GABRB2: variants seen among roughly 807,000 people sequenced by gnomAD.
GABRB2 encodes the protein gamma-aminobutyric acid type A receptor subunit beta2.
In GABRB2, 16 loss-of-function variants were observed where a neutral mutation model predicts 54.7. That is an observed-to-expected ratio of 0.29 (90% CI 0.20 to 0.44). The LOEUF (loss-of-function observed/expected upper bound fraction) is 0.44. Ranked by LOEUF, GABRB2 falls within the 20% of genes least tolerant of loss-of-function variation. GABRB2 has a pLI of 1.00. For synonymous variants in GABRB2, 244 were observed against 233.8 expected, an observed-to-expected ratio of 1.04 and a Z score of -0.40; for missense variants, 355 against 644.0, an observed-to-expected ratio of 0.55 and a Z score of 4.86.
In GABRB2 at chr5:161,290,674, T is replaced by TCAC. The variant is rs1757213913; in HGVS notation, c.*3406_*3407insGTG. The stretch of plus-strand genomic sequence containing the variant: ...TACACATATATACATGTAGATATGT[T>TCAC]GTAAGACCTATTTTGATGATGTTGC... On this transcript the variant is annotated 3_prime_UTR_variant, in exon 10 of 10. Transcript: ENST00000393959. 2.0e-5 allele frequency: 3 copies of TCAC among 152,600 alleles called. No homozygotes were observed. The highest frequency in any genetic ancestry group is 7.2e-5 in the African/African-American group (3 of 41,466). The allele number at this position is 152,600 out of a possible 1,614,324, so 9.5% of individuals were successfully genotyped here.
intron 8 of GABRB2, 137 bp downstream of exon 8, chr5:161,330,746 T>C (rs1753814071): frequency 8.2e-7 from 1 of 1,221,740 alleles, no homozygotes; most frequent in Non-Finnish European, 1.1e-6. Context: ...CATTAATTGT[T>C]TGTGTGCTTT....
intron 5 of GABRB2, among the ~76,000 whole-genome samples, chr5:161,370,808 C>A (rs1374750894): frequency 1.3e-5 from 2 of 152,108 alleles, no homozygotes; most frequent in East Asian, 3.8e-4. Context: ...TGGAAGAGTA[C>A]CCAAGTGGCC....
intron 4 of GABRB2, among the ~76,000 whole-genome samples, chr5:161,458,083 A>C (rs948936104): frequency 1.3e-5 from 2 of 152,092 alleles, no homozygotes; most frequent in African/African-American, 4.8e-5. Flanking sequence ...TCCATGCTTA[A>C]CTTTTTAAAA....
chr5:161,350,460 A>T (rs1266725009), intron 5 of GABRB2, among the ~76,000 whole-genome samples: 2 of 152,154 alleles, frequency 1.3e-5, no homozygotes, highest in Admixed American at 1.3e-4. Context: ...AAATAAAATT[A>T]AGAATAAATT....
Position 161,336,694 on chromosome 5 carries a change from T to C in GABRB2, c.617A>G (p.Glu206Gly). The C allele has an allele frequency of 6.2e-7, 1 of 1,613,434 alleles. No individual in the cohort carries two copies. Among genetic ancestry groups the C allele is most frequent in the Non-Finnish European group, 8.5e-7 (1 of 1,179,698 alleles). The change falls in exon 6 of 10, where the codon GAA becomes GGA. Residue 206 changes from glutamate (E) to glycine (G), a missense_variant. This residue lies in a region of GABRB2 where 30 missense variants were observed against 33.7 expected (regional missense o/e 0.89). Transcript: ENST00000393959. ...ATCTACAATAGAGAACTGTGGAAGT[T>C]CAATTTTCGTTACTCCTGTTACTGC... ...DNAVTGVTKI[E>G]LPQFSIVDYK...
At chr5:161,493,166 T>C (rs1359127890) in intron 3 of GABRB2, among the ~76,000 whole-genome samples, 1 of 151,800 alleles carries the variant, frequency 6.6e-6, no homozygotes, top group Non-Finnish European at 1.5e-5. Context: ...AATATTTGAA[T>C]GTCTTCCAAA....
chr5:161,325,176 C>A (rs1181601157), intron 9 of GABRB2, among the ~76,000 whole-genome samples: 1 of 151,958 alleles, frequency 6.6e-6, no homozygotes, highest in Non-Finnish European at 1.5e-5. Flanking sequence ...GAATAATGCC[C>A]AATCAAATCA....
rs550891120 is a variant in GABRB2 at position 161,305,267 on chromosome 5, C to T, written c.1192-10839G>A. ...TCCTGACCTCATGATCCACCCACCTCGGCCTCCCAAAGTGCTGGGACTACA... is the reference window on the plus strand; with the variant it reads ...TCCTGACCTCATGATCCACCCACCTTGGCCTCCCAAAGTGCTGGGACTACA... On this transcript the variant is annotated intron_variant, in intron 9 of 9. Coordinates refer to ENST00000393959, the MANE Select transcript of GABRB2 (RefSeq NM_001371727.1). Among the ~76,000 whole-genome samples, 605 of 152,058 alleles carry T rather than the reference C, an allele frequency of 4.0e-3. 5 individuals carry two copies. The highest frequency in any genetic ancestry group is 0.013 in the African/African-American group (534 of 41,470).
chr5:161,296,879 T>C (rs1489291692), intron 9 of GABRB2, among the ~76,000 whole-genome samples: 2 of 152,212 alleles, frequency 1.3e-5, no homozygotes, highest in African/African-American at 2.4e-5. Flanking sequence ...TTCAATCTAG[T>C]TTCTTCTGTG....
chr5:161,294,840 A>C (rs983673701), intron 9 of GABRB2, among the ~76,000 whole-genome samples: 2 of 152,222 alleles, frequency 1.3e-5, no homozygotes, highest in Non-Finnish European at 2.9e-5. Context: ...AATTGTGCTC[A>C]TAATAGTAGC....
Position 161,459,464 on chromosome 5 carries a change from A to ATGC in GABRB2, c.458+157_458+159dup, listed in dbSNP as rs1758056475. The ATGC allele has an allele frequency of 2.0e-5, 13 of 647,564 alleles. 1 individual carries two copies. The highest frequency in any genetic ancestry group is 3.2e-4 in the Middle Eastern group (1 of 3,138). The allele number at this position is 647,564 out of a possible 1,614,324, so 40.1% of individuals were successfully genotyped here. A position where few individuals can be genotyped will look rare whatever the true frequency, so the allele number is the denominator to read the frequency against. ...GCTGAGGTTAAGTTCCTTTGTAAGC[A>ATGC]TGCTACCTTAAGCTCTCAAATGTCT... On this transcript the variant is annotated intron_variant, in intron 4 of 9. Transcript: ENST00000393959.
chr5:161,479,408 AGCTC>A (rs143520401), intron 3 of GABRB2, among the ~76,000 whole-genome samples: 6,107 of 152,136 alleles, frequency 0.04, 157 homozygotes, highest in Middle Eastern at 0.082. Context: ...CAACCTAATC[AGCTC>A]ACTCTAGTCC....
At chr5:161,422,241 A>C (rs1206357631) in intron 4 of GABRB2, among the ~76,000 whole-genome samples, 1 of 152,152 alleles carries the variant, frequency 6.6e-6, no homozygotes. Context: ...GTTGGGCAAA[A>C]AATCTCAGAA....
At chr5:161,359,440 GACACACAC>G (rs57251440) in intron 5 of GABRB2, among the ~76,000 whole-genome samples, 1 of 147,712 alleles carries the variant, frequency 6.8e-6, no homozygotes. Context: ...AATTGCATCT[GACACACAC>G]ACACACACAC....
chr5:161,447,875 A>G (rs1757681962), intron 4 of GABRB2, among the ~76,000 whole-genome samples: 1 of 152,172 alleles, frequency 6.6e-6, no homozygotes, highest in Non-Finnish European at 1.5e-5. Context: ...TACTTATTAT[A>G]GAAAACAAGT....
chr5:161,300,808 T>TG (rs1314766063), intron 9 of GABRB2, among the ~76,000 whole-genome samples: 3 of 152,186 alleles, frequency 2.0e-5, no homozygotes, highest in African/African-American at 7.2e-5. Flanking sequence ...GCTAGTCTAT[T>TG]GGACAGAACG....
At chr5:161,308,495 A>G (rs1480169102) in intron 9 of GABRB2, among the ~76,000 whole-genome samples, 1 of 152,196 alleles carries the variant, frequency 6.6e-6, no homozygotes, top group Non-Finnish European at 1.5e-5. Context: ...TCAGAACTAG[A>G]AAAAACTATC....
chr5:161,326,030 C>A (rs1364415165), intron 9 of GABRB2, among the ~76,000 whole-genome samples: 1 of 152,006 alleles, frequency 6.6e-6, no homozygotes, highest in Non-Finnish European at 1.5e-5. Flanking sequence ...CTGAAAAAAG[C>A]AAACACAACA....
intron 4 of GABRB2, among the ~76,000 whole-genome samples, chr5:161,445,265 G>T (rs1348411678): frequency 6.6e-6 from 1 of 152,066 alleles, no homozygotes; most frequent in East Asian, 1.9e-4. Flanking sequence ...GAAAGAGAGG[G>T]AACATAAAGT....
Sources: gnomAD v4.1 joint callset for allele counts (sites outside exome capture counted in the v4.1 genomes callset) on GRCh38, gnomAD v4.1.1 for gene constraint, gnomAD v4.1.1 regional missense constraint, MANE v1.5 for transcripts, NCBI Gene and HGNC (gene_info 2026-07-23, HGNC 2026-07-21) for gene names.